UTRN: variants seen among roughly 807,000 people sequenced by gnomAD.
UTRN encodes the protein dystrophin-related protein 1.
UTRN carries 283 observed loss-of-function variants against 463.9 expected under a neutral mutation model. The observed-to-expected ratio is 0.61, with a 90% CI of 0.55 to 0.67. The LOEUF (loss-of-function observed/expected upper bound fraction) is 0.67. Among genes scored for constraint, UTRN ranks in the 30% least tolerant of loss-of-function variants. The pLI is 0.00. For synonymous variants in UTRN, 1,442 were observed against 1,431.5 expected, an observed-to-expected ratio of 1.01 and a Z score of -0.17; for missense variants, 3,922 against 4,084.3, an observed-to-expected ratio of 0.96 and a Z score of 1.08.
intron 66 of UTRN, among the ~76,000 whole-genome samples, chr6:144,826,186 A>G (rs1410768878): frequency 6.6e-6 from 1 of 151,708 alleles, no homozygotes; most frequent in Non-Finnish European, 1.5e-5. Flanking sequence ...ATAAATAAAT[A>G]AATGCCTGGT....
chr6:144,437,329 GTAT>G (rs1228209000), intron 10 of UTRN, among the ~76,000 whole-genome samples: 1 of 152,076 alleles, frequency 6.6e-6, no homozygotes, highest in African/African-American at 2.4e-5. Flanking sequence ...AAAATAGCTG[GTAT>G]TATCAGATGC....
At chr6:144,725,105 A>C (rs991757481) in intron 53 of UTRN, among the ~76,000 whole-genome samples, 1 of 152,126 alleles carries the variant, frequency 6.6e-6, no homozygotes, top group Non-Finnish European at 1.5e-5. Flanking sequence ...CATGGGAGGG[A>C]CCCAGTGGGA....
chr6:144,332,908 A>T (rs1447019057), intron 2 of UTRN, among the ~76,000 whole-genome samples: 2 of 66,204 alleles, frequency 3.0e-5, no homozygotes, highest in Admixed American at 2.9e-4. Flanking sequence ...TTAACCTTTT[A>T]TTTATTTATT....
At chr6:144,723,823 G>GA (rs1239901008) in intron 53 of UTRN, among the ~76,000 whole-genome samples, 1 of 151,778 alleles carries the variant, frequency 6.6e-6, no homozygotes, top group Non-Finnish European at 1.5e-5. Context: ...GCAACATGGT[G>GA]AAACCCTGTT....
At chr6:144,670,539 G>A (rs550575116) in intron 51 of UTRN, among the ~76,000 whole-genome samples, 1 of 152,032 alleles carries the variant, frequency 6.6e-6, no homozygotes, top group South Asian at 2.1e-4. Context: ...TCCTTTGCTG[G>A]ATGCATAGTT....
At chr6:144,435,369 A>G (rs1786437032) in intron 9 of UTRN, among the ~76,000 whole-genome samples, 1 of 152,218 alleles carries the variant, frequency 6.6e-6, no homozygotes, top group African/African-American at 2.4e-5. Flanking sequence ...AAAGGCCATC[A>G]GATAAACCAG....
chr6:144,393,670 G>C (rs1411619021), intron 2 of UTRN, among the ~76,000 whole-genome samples: 2 of 152,246 alleles, frequency 1.3e-5, no homozygotes, highest in East Asian at 3.9e-4. Flanking sequence ...CAGTGACGCA[G>C]GATGGAGGGA....
intron 71 of UTRN, chr6:144,837,329 G>A (rs1343391171): frequency 2.6e-5 from 4 of 152,202 alleles, no homozygotes; most frequent in African/African-American, 4.8e-5. Flanking sequence ...CTGCCATCTT[G>A]TTAGAGATCA....
chr6:144,447,272 A>G lies in UTRN; in HGVS notation c.1676A>G (p.Asn559Ser). Reference protein sequence around the residue: ...EEALNKVQTSNFKDQKELSVS... With the variant: ...EEALNKVQTSSFKDQKELSVS... ...GCTTTAAATAAAGTCCAGACAAGCA[A>G]CTTCAAAGACCAAAAGGAACTAAGT... is the stretch of plus-strand genomic sequence containing the variant. The change falls in exon 15 of 75, where the codon AAC becomes AGC. Residue 559 changes from asparagine (N) to serine (S), a missense_variant. By Grantham distance (46) the Asn-to-Ser change is conservative. This residue lies in a region of UTRN where 2,349 missense variants were observed against 2,303.8 expected (regional missense o/e 1.02). Transcript: ENST00000367545. The G allele has an allele frequency of 6.2e-7, 1 of 1,613,998 alleles. No individual in the cohort carries two copies. Among genetic ancestry groups the G allele is most frequent in the South Asian group, 1.1e-5 (1 of 91,060 alleles).
rs1051701484 is a variant in UTRN at position 144,423,585 on chromosome 6, A to G, written c.271A>G (p.Asn91Asp). Residue 91 changes from asparagine to aspartate, a missense_variant, in exon 5 of 75, where the codon AAT becomes GAT. Physicochemically the swap from Asn to Asp is conservative, Grantham distance 23 (BLOSUM62 1). This residue lies in a region of UTRN where 264 missense variants were observed against 327.9 expected (regional missense o/e 0.81). Transcript: ENST00000367545. The stretch of plus-strand genomic sequence containing the variant: ...TGGTTCCACAAGGGTACATGCCTTA[A>G]ATAACGTCAACAGAGTGCTGCAGGT... ...ERGSTRVHAL[N>D]NVNRVLQVLH... The G allele has an allele frequency of 2.7e-5, 43 of 1,614,128 alleles. No individual in the cohort carries two copies. Among genetic ancestry groups the G allele is most frequent in the Non-Finnish European group, 3.4e-5 (40 of 1,180,050 alleles).
chr6:144,715,387 T>A (rs1586176246), intron 53 of UTRN, among the ~76,000 whole-genome samples: 1 of 152,246 alleles, frequency 6.6e-6, no homozygotes, highest in Admixed American at 6.5e-5. Context: ...ACCAGAGTGT[T>A]CCTATTAAAA....
chr6:144,517,603 A>AT (rs1420566327), intron 39 of UTRN, among the ~76,000 whole-genome samples: 3 of 152,024 alleles, frequency 2.0e-5, no homozygotes, highest in Non-Finnish European at 4.4e-5. Flanking sequence ...TTTTTATTTG[A>AT]TGACTTTGGA....
At chr6:144,674,843 G>C (rs180770183) in intron 51 of UTRN, among the ~76,000 whole-genome samples, 6 of 152,194 alleles carry the variant, frequency 3.9e-5, no homozygotes, top group Non-Finnish European at 8.8e-5. Context: ...ACTGGCATGA[G>C]CCACCACACC....
intron 2 of UTRN, among the ~76,000 whole-genome samples, chr6:144,293,340 C>T (rs1281102468): frequency 2.0e-5 from 3 of 151,992 alleles, no homozygotes; most frequent in African/African-American, 4.8e-5. Context: ...GTACTTTAGC[C>T]GTGTCCATAA....
rs377565638 is a variant in UTRN at position 144,467,618 on chromosome 6, G to C, written c.3066+4752G>C. On this transcript the variant is annotated intron_variant, in intron 23 of 74. Transcript: ENST00000367545. ...ACTTGCTCTGACCCGGAATCTGGAG[G>C]GGGGCGTGCTGGAGCTCCAACAGGC... Among the ~76,000 whole-genome samples, 32 of 152,250 alleles carry C rather than the reference G, an allele frequency of 2.1e-4. 1 individual carries two copies. In the South Asian group the frequency reaches 5.6e-3, roughly 27 times the overall value.
intron 73 of UTRN, among the ~76,000 whole-genome samples, chr6:144,845,478 C>G (rs1235246013): frequency 6.6e-6 from 1 of 152,206 alleles, no homozygotes; most frequent in Admixed American, 6.5e-5. Flanking sequence ...CCAAAACCCA[C>G]TGCAATGCAG....
At chr6:144,583,080 C>G (rs1802130563) in intron 51 of UTRN, 1 of 161,666 alleles carries the variant, frequency 6.2e-6, no homozygotes. Context: ...GTGGTGGTGG[C>G]AGTGATATGT....
At chr6:144,611,453 T>C (rs1805516665) in intron 51 of UTRN, among the ~76,000 whole-genome samples, 2 of 152,302 alleles carry the variant, frequency 1.3e-5, no homozygotes, top group Admixed American at 6.5e-5. Flanking sequence ...GTCATGATCT[T>C]CTGTATAGAA....
chr6:144,756,649 C>G (rs899459285), intron 57 of UTRN, among the ~76,000 whole-genome samples: 2 of 152,138 alleles, frequency 1.3e-5, no homozygotes, highest in Non-Finnish European at 2.9e-5. Context: ...GGTGCCAACA[C>G]TGAAATGAGG....
Sources: gnomAD v4.1 joint callset for allele counts (sites outside exome capture counted in the v4.1 genomes callset) on GRCh38, gnomAD v4.1.1 for gene constraint, gnomAD v4.1.1 regional missense constraint, MANE v1.5 for transcripts, NCBI Gene and HGNC (gene_info 2026-07-23, HGNC 2026-07-21) for gene names.